The following PER2 variants were observed in gnomAD, a reference collection of about 807,000 sequenced individuals.
PER2 encodes period circadian protein homolog 2.
In PER2, 66 loss-of-function variants were observed where a neutral mutation model predicts 121.0. The ratio of observed to expected loss-of-function variants is 0.55; its 90% CI spans 0.45 to 0.67. The LOEUF is 0.67. PER2 is among the 30% of genes least tolerant of loss of function. The pLI is 0.00. For missense variants in PER2, 1,521 were observed against 1,635.0 expected (o/e 0.93, Z 1.20); for synonymous variants, 684 against 659.9 (o/e 1.04, Z -0.56).
chr2:238,284,497 C>T (rs1285130407), intron 1 of PER2, among the ~76,000 whole-genome samples: 2 of 150,600 alleles, frequency 1.3e-5, no homozygotes, highest in Admixed American at 6.6e-5. Flanking sequence ...GGGCAACAAA[C>T]GTAATTTTGG....
intron 1 of PER2, among the ~76,000 whole-genome samples, chr2:238,282,665 T>A (rs778181303): frequency 2.0e-5 from 3 of 152,236 alleles, no homozygotes; most frequent in Non-Finnish European, 4.4e-5. Flanking sequence ...CTGACTGACT[T>A]GCCCTTATTC....
intron 8 of PER2, among the ~76,000 whole-genome samples, chr2:238,266,763 C>T (rs1559330486): frequency 6.6e-6 from 1 of 152,144 alleles, no homozygotes; most frequent in Non-Finnish European, 1.5e-5. Context: ...TTTGGCCGGG[C>T]GCGGTGGCTC....
At chr2:238,285,248 GGTAGC>G (rs200143244) in intron 1 of PER2, among the ~76,000 whole-genome samples, 16,656 of 152,170 alleles carry the variant, frequency 0.11, 1,192 homozygotes, top group Admixed American at 0.17. Context: ...CCACATTTTT[GGTAGC>G]TGGGTTGCCT....
chr2:238,285,830 GTC>G (rs1417095473), intron 1 of PER2, among the ~76,000 whole-genome samples: 7 of 123,372 alleles, frequency 5.7e-5, no homozygotes, highest in Non-Finnish European at 1.3e-4. Context: ...AGCATGTACT[GTC>G]TCTGCAAGCC....
chr2:238,296,959 G>T, the PER2 span, among the ~76,000 whole-genome samples: 1 of 152,144 alleles, frequency 6.6e-6, no homozygotes, highest in Non-Finnish European at 1.5e-5. Context: ...CCCTCCTCGC[G>T]GGGGACATCT....
intron 4 of PER2, among the ~76,000 whole-genome samples, chr2:238,274,738 G>T (rs535781353): frequency 2.3e-3 from 343 of 152,354 alleles, no homozygotes; most frequent in Non-Finnish European, 3.7e-3. Flanking sequence ...AGGGGCACCG[G>T]ATTTCCATGC....
At chr2:238,261,617 C>T (rs999783813) in intron 12 of PER2, 112 bp downstream of exon 12, 2 of 732,392 alleles carry the variant, frequency 2.7e-6, no homozygotes, top group South Asian at 1.5e-5. Context: ...CAGAGAATGA[C>T]AGATGAAGCT....
intron 3 of PER2, among the ~76,000 whole-genome samples, chr2:238,276,893 G>A (rs371417861): frequency 4.6e-5 from 7 of 152,158 alleles, no homozygotes; most frequent in African/African-American, 1.2e-4. Flanking sequence ...AGTCGGCTTC[G>A]AGTAGAGCTG....
chr2:238,286,623 T>C (rs377149942), intron 1 of PER2, among the ~76,000 whole-genome samples: 1 of 152,300 alleles, frequency 6.6e-6, no homozygotes, highest in African/African-American at 2.4e-5. Context: ...GCCAAGCTTA[T>C]GGAATTGTGT....
intron 12 of PER2, 171 bp downstream of exon 12, chr2:238,261,558 T>C (rs1234777247): frequency 7.6e-6 from 5 of 655,366 alleles, no homozygotes; most frequent in Admixed American, 2.1e-5. Flanking sequence ...TACTATGGAC[T>C]GTCTCGGACT....
intron 2 of PER2, 84 bp downstream of exon 2, chr2:238,277,623 T>A: frequency 6.7e-7 from 1 of 1,482,034 alleles, no homozygotes; most frequent in South Asian, 1.2e-5. Context: ...ATTTAAAGAT[T>A]GCAAAAGCAA....
intron 6 of PER2, among the ~76,000 whole-genome samples, chr2:238,269,578 C>T (rs1696222365): frequency 6.7e-6 from 1 of 148,746 alleles, no homozygotes; most frequent in African/African-American, 2.5e-5. Context: ...ACTCACAGTG[C>T]ACTGCTGCAA....
chr2:238,247,355 G>C (rs1003487266), intron 22 of PER2: 26 of 152,308 alleles, frequency 1.7e-4, no homozygotes, highest in African/African-American at 5.5e-4. Context: ...AGAGCCAGCA[G>C]TGTGTGAGAG....
At chr2:238,259,400 G>A (rs972567091) in intron 14 of PER2, among the ~76,000 whole-genome samples, 14 of 152,236 alleles carry the variant, frequency 9.2e-5, no homozygotes, top group Non-Finnish European at 1.8e-4. Context: ...ATCTGAACCC[G>A]CGCATGACAC....
intron 8 of PER2, among the ~76,000 whole-genome samples, chr2:238,266,717 A>AAG (rs1696124187): frequency 6.6e-6 from 1 of 152,190 alleles, no homozygotes; most frequent in South Asian, 2.1e-4. Context: ...AAAGTCACAT[A>AAG]CTTAAAATAT....
chr2:238,259,616 A>G (rs1310475124), intron 14 of PER2, among the ~76,000 whole-genome samples: 1 of 152,266 alleles, frequency 6.6e-6, no homozygotes, highest in Non-Finnish European at 1.5e-5. Flanking sequence ...TACTCTGTAC[A>G]GCAAGAACAA....
chr2:238,264,817 T>G (rs1406860746), intron 9 of PER2, among the ~76,000 whole-genome samples: 1 of 152,084 alleles, frequency 6.6e-6, no homozygotes, highest in Non-Finnish European at 1.5e-5. Flanking sequence ...AGAGACAGGG[T>G]CTTGCTACGT....
chr2:238,296,826 C>T, the PER2 span, among the ~76,000 whole-genome samples: 1 of 152,234 alleles, frequency 6.6e-6, no homozygotes, highest in East Asian at 1.9e-4. Flanking sequence ...GCATCCCCAC[C>T]AAGGCTGCAG....
At position 238,257,105 on chromosome 2, in the gene PER2, G is replaced by C. The variant is rs765748526; in HGVS notation, c.1901-19C>G. 21 of 1,607,670 alleles carry C rather than the reference G, an allele frequency of 1.3e-5. No individual in the cohort carries two copies. In the East Asian group the frequency reaches 3.8e-4, roughly 29 times the overall value. On this transcript the variant is annotated intron_variant, in intron 16 of 22. Coordinates refer to ENST00000254657, the MANE Select transcript of PER2 (RefSeq NM_022817.3). ...TCTGCCTCTTCATGAGAGGAAGGGG[G>C]AACAAACATTAGTGTGTCATTACAA...
Sources: allele counts gnomAD v4.1 joint callset (sites outside exome capture counted in the v4.1 genomes callset), GRCh38; gene constraint gnomAD v4.1.1; transcripts MANE v1.5; gene names NCBI Gene and HGNC (gene_info 2026-07-23, HGNC 2026-07-21).